The following RPS6KC1 variants were observed in gnomAD, a reference collection of about 807,000 sequenced individuals.
RPS6KC1 encodes ribosomal protein S6 kinase C1, also known as inactive ribosomal protein S6 kinase delta-1.
A neutral mutation model predicts 103.8 loss-of-function variants in RPS6KC1; 54 were observed. The observed-to-expected ratio is 0.52, with a 90% CI of 0.42 to 0.65. RPS6KC1 has a LOEUF of 0.65. Among genes scored for constraint, RPS6KC1 ranks in the 30% least tolerant of loss-of-function variants. RPS6KC1 has a pLI of 0.00. For synonymous variants in RPS6KC1, 439 were observed against 438.7 expected (o/e 1.00, Z -0.01); for missense variants, 1,151 against 1,253.8 (o/e 0.92, Z 1.24).
the RPS6KC1 span, among the ~76,000 whole-genome samples, chr1:213,383,996 A>C: frequency 6.6e-6 from 1 of 152,152 alleles, no homozygotes; most frequent in Non-Finnish European, 1.5e-5. Flanking sequence ...ATAAATCTTG[A>C]CCAGGCGTGG....
rs2091190249 is a variant in RPS6KC1, at chr1:213,168,485, GTTA to G, written c.951+518_951+520del. ...ACTGAAAACATTAGAAACATTGCAGGTTATTATTGTTTTTATGCTGTATCGACC... is the reference window on the plus strand; with the variant it reads ...ACTGAAAACATTAGAAACATTGCAGGTTATTGTTTTTATGCTGTATCGACC... On this transcript the variant is annotated intron_variant, in intron 7 of 14. Coordinates refer to ENST00000366960, the MANE Select transcript of RPS6KC1 (RefSeq NM_012424.6). Among the ~76,000 whole-genome samples, 3 of 152,126 alleles carry G rather than the reference GTTA, an allele frequency of 2.0e-5. No individual in the cohort carries two copies. In the South Asian group the frequency reaches 6.2e-4, roughly 32 times the overall value.
At chr1:213,123,577 C>T (rs971539679) in intron 5 of RPS6KC1, among the ~76,000 whole-genome samples, 6 of 152,098 alleles carry the variant, frequency 3.9e-5, no homozygotes, top group African/African-American at 1.4e-4. Context: ...GAATCACATA[C>T]AGGAATCTTA....
the RPS6KC1 span, among the ~76,000 whole-genome samples, chr1:213,824,127 C>G: frequency 6.6e-6 from 1 of 152,162 alleles, no homozygotes; most frequent in African/African-American, 2.4e-5. Context: ...TTAAGGGCCT[C>G]CTATGTTACA....
At chr1:213,631,357 A>C in the RPS6KC1 span, among the ~76,000 whole-genome samples, 1 of 144,560 alleles carries the variant, frequency 6.9e-6, no homozygotes, top group African/African-American at 2.6e-5. Flanking sequence ...TGGCTCCACC[A>C]ATCTGGGGCT....
the RPS6KC1 span, among the ~76,000 whole-genome samples, chr1:213,649,910 C>T: frequency 3.9e-5 from 6 of 152,104 alleles, no homozygotes; most frequent in African/African-American, 1.4e-4. Flanking sequence ...GACATTTGAT[C>T]CCGAGCAATA....
At chr1:213,467,312 T>TAC in the RPS6KC1 span, among the ~76,000 whole-genome samples, 1 of 152,220 alleles carries the variant, frequency 6.6e-6, no homozygotes, top group Admixed American at 6.5e-5. Flanking sequence ...ATAGTTCCCC[T>TAC]ACTGGGAATA....
At chr1:213,654,413 T>A in the RPS6KC1 span, among the ~76,000 whole-genome samples, 7 of 152,360 alleles carry the variant, frequency 4.6e-5, no homozygotes, top group African/African-American at 1.4e-4. Flanking sequence ...ATCCAATATA[T>A]CCTTCTGGTT....
chr1:213,364,759 G>A, the RPS6KC1 span, among the ~76,000 whole-genome samples: 2 of 152,076 alleles, frequency 1.3e-5, 1 homozygote, highest in South Asian at 4.1e-4. Context: ...TTTGAGACCA[G>A]CCTGGTCAAC....
the RPS6KC1 span, among the ~76,000 whole-genome samples, chr1:213,746,732 C>A: frequency 3.3e-5 from 5 of 151,972 alleles, no homozygotes; most frequent in Non-Finnish European, 7.4e-5. Flanking sequence ...AGAGTGGAGG[C>A]GGTGAAGAGA....
chr1:213,456,432 G>A, the RPS6KC1 span, among the ~76,000 whole-genome samples: 1 of 152,126 alleles, frequency 6.6e-6, no homozygotes, highest in African/African-American at 2.4e-5. Flanking sequence ...TTTGGCAACT[G>A]GATGTTTTTG....
At chr1:213,813,686 G>A in the RPS6KC1 span, among the ~76,000 whole-genome samples, 2 of 152,190 alleles carry the variant, frequency 1.3e-5, no homozygotes, top group African/African-American at 4.8e-5. Flanking sequence ...TTCAGGAGAA[G>A]GAGGGTGGAG....
chr1:213,264,123 A>C (rs777531758), intron 14 of RPS6KC1, among the ~76,000 whole-genome samples: 2 of 152,224 alleles, frequency 1.3e-5, no homozygotes, highest in African/African-American at 4.8e-5. Context: ...TCACAAACAC[A>C]AGAGTAATGT....
intron 8 of RPS6KC1, among the ~76,000 whole-genome samples, chr1:213,193,962 G>A (rs1182165790): frequency 6.6e-6 from 1 of 152,084 alleles, no homozygotes; most frequent in Non-Finnish European, 1.5e-5. Flanking sequence ...TATTTCTTCA[G>A]CTCTAATAAT....
rs1254568175 is a variant in RPS6KC1 at position 213,260,330 on chromosome 1, G to A, written c.2912-1228G>A. ...GTGGGCTTGGGAAGGGCTGTGAAGG[G>A]GTAGAGTTCCATATAGGCTGTTTGA... On this transcript the variant is annotated intron_variant, in intron 12 of 14. Coordinates refer to ENST00000366960, the MANE Select transcript of RPS6KC1 (RefSeq NM_012424.6). 2.6e-5 allele frequency among the ~76,000 whole-genome samples: 4 copies of A among 152,098 alleles called. No homozygotes were observed. In the East Asian group the frequency reaches 7.7e-4, roughly 29 times the overall value.
the RPS6KC1 span, among the ~76,000 whole-genome samples, chr1:213,605,937 C>T: frequency 6.6e-6 from 1 of 152,116 alleles, no homozygotes; most frequent in African/African-American, 2.4e-5. Flanking sequence ...GAGTGCAAAC[C>T]ATGATAAGAA....
chr1:213,112,243 A>G (rs1430561617), intron 4 of RPS6KC1, among the ~76,000 whole-genome samples: 2 of 152,154 alleles, frequency 1.3e-5, no homozygotes, highest in Non-Finnish European at 2.9e-5. Context: ...AAGGAGCAGA[A>G]GAGCTATTGT....
chr1:213,781,652 AG>A, the RPS6KC1 span, among the ~76,000 whole-genome samples: 1 of 152,176 alleles, frequency 6.6e-6, no homozygotes, highest in East Asian at 1.9e-4. Flanking sequence ...CTGAGACTGG[AG>A]ACCCAAACTC....
At chr1:213,647,245 G>A in the RPS6KC1 span, among the ~76,000 whole-genome samples, 1 of 152,108 alleles carries the variant, frequency 6.6e-6, no homozygotes, top group Non-Finnish European at 1.5e-5. Flanking sequence ...TGATTTGAAG[G>A]AGGTTGACTT....
chr1:213,157,578 T>G (rs1485543734), intron 6 of RPS6KC1, among the ~76,000 whole-genome samples: 3 of 152,196 alleles, frequency 2.0e-5, no homozygotes, highest in Non-Finnish European at 2.9e-5. Context: ...TATTTTACAT[T>G]TATTGAGACT....
Sources: gnomAD v4.1 joint callset for allele counts (sites outside exome capture counted in the v4.1 genomes callset) on GRCh38, gnomAD v4.1.1 for gene constraint, MANE v1.5 for transcripts, NCBI Gene and HGNC (gene_info 2026-07-23, HGNC 2026-07-21) for gene names.